The following RYR2 variants were observed in gnomAD, a reference collection of about 807,000 sequenced individuals.
RYR2 encodes cardiac muscle ryanodine receptor-calcium release channel.
RYR2 carries 227 observed loss-of-function variants against 601.1 expected under a neutral mutation model. That is an observed-to-expected ratio of 0.38 (90% CI 0.34 to 0.42). The LOEUF is 0.42. Among genes scored for constraint, RYR2 ranks in the 10% least tolerant of loss-of-function variants. The pLI is 1.00. For missense variants in RYR2, 4,646 were observed against 6,156.5 expected (o/e 0.75, Z 8.21); for synonymous variants, 2,223 against 2,175.1 (o/e 1.02, Z -0.61).
Position 237,759,811 on chromosome 1 carries a change from G to T in RYR2, c.11361G>T (p.Val3787=). Reference sequence around the variant, plus strand: ...ACTACCTCAAGGAGAAAAAGGATGTGGGCTTCTTTCAGAGCCTGGCCGGCC... The same window carrying T: ...ACTACCTCAAGGAGAAAAAGGATGTTGGCTTCTTTCAGAGCCTGGCCGGCC... ...MLDYLKEKKD[V]GFFQSLAGLM... Residue 3787 remains valine (V), a synonymous_variant, in exon 83 of 105, where the codon GTG becomes GTT. Coordinates refer to ENST00000366574, the MANE Select transcript of RYR2 (RefSeq NM_001035.3). 1 of 1,613,062 alleles carries T rather than the reference G, an allele frequency of 6.2e-7. No individual in the cohort carries two copies. The highest frequency in any genetic ancestry group is 1.3e-5 in the African/African-American group (1 of 74,966).
intron 1 of RYR2, among the ~76,000 whole-genome samples, chr1:237,140,086 A>G (rs1347901821): frequency 6.6e-6 from 1 of 152,258 alleles, no homozygotes; most frequent in Non-Finnish European, 1.5e-5. Flanking sequence ...AATCTAAAAA[A>G]AGAAATCAGA....
intron 20 of RYR2, among the ~76,000 whole-genome samples, chr1:237,498,262 G>C (rs1476366451): frequency 6.6e-6 from 1 of 152,066 alleles, no homozygotes; most frequent in South Asian, 2.1e-4. Context: ...GAGGAATGTG[G>C]TTGGAGTCCT....
chr1:237,047,035 A>T (rs1342736550), intron 1 of RYR2, among the ~76,000 whole-genome samples: 1 of 152,106 alleles, frequency 6.6e-6, no homozygotes, highest in African/African-American at 2.4e-5. Flanking sequence ...TACCCTGTCC[A>T]CCCCATGCCT....
Position 237,349,770 on chromosome 1 carries a change from T to A in RYR2, c.274-6195T>A, listed in dbSNP as rs565174637. 1.3e-5 allele frequency among the ~76,000 whole-genome samples: 2 copies of A among 152,012 alleles called. 1 individual carries two copies. Among genetic ancestry groups the A allele is most frequent in the South Asian group, 4.2e-4 (2 of 4,816 alleles). On this transcript the variant is annotated intron_variant, in intron 3 of 104. Coordinates refer to ENST00000366574, the MANE Select transcript of RYR2 (RefSeq NM_001035.3). ...ACCTCTAGGGTACTAACCAAAAGAA[T>A]AAGAAAGAATAACCAACAACTTTCC... is the stretch of plus-strand genomic sequence containing the variant.
chr1:237,623,798 A>G lies in RYR2; in HGVS notation c.5950A>G (p.Ser1984Gly). 6.2e-7 allele frequency: 1 copy of G among 1,613,140 alleles called. No homozygotes were observed. Among genetic ancestry groups the G allele is most frequent in the Middle Eastern group, 1.7e-4 (1 of 6,060 alleles). ...GCTTCTCAATTTTAAGGATGACAAA[A>G]GTGAATGTCCATGTCCAGAAGAAAT... is the stretch of plus-strand genomic sequence containing the variant. ...NMLLNFKDDK[S>G]ECPCPEEIRD... is the part of the protein sequence containing the mutation. The change falls in exon 39 of 105, where the codon AGT (serine) becomes GGT (glycine). Residue 1984 changes from serine to glycine, a missense_variant. This residue lies in a region of RYR2 where 170 missense variants were observed against 184.5 expected (regional missense o/e 0.92). Transcript: ENST00000366574.
At chr1:237,221,540 G>C (rs1302223972) in intron 1 of RYR2, among the ~76,000 whole-genome samples, 1 of 152,138 alleles carries the variant, frequency 6.6e-6, no homozygotes, top group Non-Finnish European at 1.5e-5. Context: ...TGAAAACACG[G>C]GGAAATTTCA....
At chr1:237,099,529 T>C (rs1406036549) in intron 1 of RYR2, among the ~76,000 whole-genome samples, 3 of 152,210 alleles carry the variant, frequency 2.0e-5, no homozygotes, top group Admixed American at 1.3e-4. Flanking sequence ...TGAGCCACTG[T>C]ACCCAGCCTC....
chr1:237,687,507 A>G lies in RYR2; in HGVS notation c.9067+3A>G. On this transcript the variant is annotated splice_donor_region_variant and intron_variant, in intron 63 of 104. Coordinates refer to ENST00000366574, the MANE Select transcript of RYR2 (RefSeq NM_001035.3). Reference sequence around the variant, plus strand: ...CAGGCATAGGATTTCACTATTTGGTAAGGAGACCCTTGAAAAAATACAAGC... The same window carrying G: ...CAGGCATAGGATTTCACTATTTGGTGAGGAGACCCTTGAAAAAATACAAGC... The G allele has an allele frequency of 6.2e-7, 1 of 1,605,890 alleles. No homozygotes were observed. The highest frequency in any genetic ancestry group is 1.1e-5 in the South Asian group (1 of 90,098).
At chr1:237,161,027 C>A (rs965050889) in intron 1 of RYR2, among the ~76,000 whole-genome samples, 11 of 152,036 alleles carry the variant, frequency 7.2e-5, no homozygotes, top group African/African-American at 2.7e-4. Flanking sequence ...ATATTTTAAA[C>A]TTGCTTAAGA....
At chr1:237,524,618 C>T (rs562547406) in intron 24 of RYR2, among the ~76,000 whole-genome samples, 2 of 152,042 alleles carry the variant, frequency 1.3e-5, no homozygotes, top group Non-Finnish European at 2.9e-5. Context: ...GTGTAATTCC[C>T]TCAGCATAGC....
In RYR2 at chr1:237,432,109, T is replaced by TAA. The variant is rs1553449474; in HGVS notation, c.1005+8862_1005+8863insAA. Among the ~76,000 whole-genome samples the TAA allele has an allele frequency of 6.5e-4, 98 of 151,358 alleles. 1 individual carries two copies. The highest frequency in any genetic ancestry group is 2.3e-3 in the African/African-American group (93 of 41,274). On this transcript the variant is annotated intron_variant, in intron 12 of 104. Transcript: ENST00000366574. ...TTTTTAGCAAATGGTCTTTTTTTTT[T>TAA]ATTCATTTCTTGGAACGCATGTGGC...
chr1:237,761,423 A>C (rs572777626), intron 84 of RYR2, among the ~76,000 whole-genome samples: 1 of 152,180 alleles, frequency 6.6e-6, no homozygotes, highest in Non-Finnish European at 1.5e-5. Flanking sequence ...TTATTTCCTT[A>C]GGATAGTGAT....
At chr1:237,176,242 G>GAAA (rs143853577) in intron 1 of RYR2, among the ~76,000 whole-genome samples, 49,962 of 139,822 alleles carry the variant, frequency 0.36, 9,038 homozygotes, top group Middle Eastern at 0.43. Context: ...GTCTCTTAAT[G>GAAA]AAAAAAATAT....
chr1:237,383,414 C>CTTTTTT (rs1558724426), intron 8 of RYR2, among the ~76,000 whole-genome samples: 2 of 64,762 alleles, frequency 3.1e-5, no homozygotes, highest in Non-Finnish European at 6.8e-5. Flanking sequence ...TTTCTTTTTT[C>CTTTTTT]TTGTTTTTTT....
intron 16 of RYR2, among the ~76,000 whole-genome samples, chr1:237,466,973 G>A (rs915601629): frequency 3.3e-5 from 5 of 151,520 alleles, no homozygotes; most frequent in African/African-American, 1.2e-4. Flanking sequence ...TACCATGTCT[G>A]TTTGCAGTAA....
chr1:237,594,885 G>GGTTTTTTTTGTTTTT (rs773047111), intron 33 of RYR2, among the ~76,000 whole-genome samples: 1,602 of 79,004 alleles, frequency 0.02, 108 homozygotes, highest in African/African-American at 0.1. Context: ...AATATCACTG[G>GGTTTTTTTTGTTTTT]GTTTTTTTTT....
rs192751852 is a variant in RYR2, at chr1:237,140,166, T to C, written c.48+97597T>C. Among the ~76,000 whole-genome samples, 3 of 152,380 alleles carry C rather than the reference T, an allele frequency of 2.0e-5. No homozygotes were observed. The East Asian group carries it at 5.8e-4, about 29-fold the overall frequency. On this transcript the variant is annotated intron_variant, in intron 1 of 104. Transcript: ENST00000366574. The stretch of plus-strand genomic sequence containing the variant: ...GTAAACCACAAAGTTTAATTACACC[T>C]AACGTCTTTTTTGGCTTTCATATTT...
chr1:237,632,052 T>C (rs562664233), intron 42 of RYR2, among the ~76,000 whole-genome samples: 6 of 152,228 alleles, frequency 3.9e-5, no homozygotes, highest in South Asian at 2.1e-4. Context: ...AGTTTTTTTT[T>C]CCTTGATTTT....
intron 12 of RYR2, among the ~76,000 whole-genome samples, chr1:237,424,873 T>C (rs1348087095): frequency 1.3e-5 from 2 of 152,218 alleles, no homozygotes; most frequent in Non-Finnish European, 2.9e-5. Context: ...TTTGCAGTTG[T>C]CACTGGAGGC....
Sources: allele counts gnomAD v4.1 joint callset (sites outside exome capture counted in the v4.1 genomes callset), GRCh38; gene constraint gnomAD v4.1.1; regional missense constraint gnomAD v4.1.1; transcripts MANE v1.5; gene names NCBI Gene and HGNC (gene_info 2026-07-23, HGNC 2026-07-21).